The following SLC26A3 variants were observed in gnomAD, a reference collection of about 807,000 sequenced individuals.
The protein encoded by SLC26A3 is solute carrier family 26 member 3, also known as chloride anion exchanger.
Under a neutral mutation model 85.6 loss-of-function variants are expected in SLC26A3, and 64 were observed. That is an observed-to-expected ratio of 0.75 (90% confidence interval 0.61 to 0.92). The LOEUF (loss-of-function observed/expected upper bound fraction) is 0.92. Among genes scored for constraint, SLC26A3 ranks in the 40% least tolerant of loss-of-function variants. SLC26A3 has a pLI of 0.00. For synonymous variants in SLC26A3, 349 were observed against 336.0 expected, an observed-to-expected ratio of 1.04 and a Z score of -0.42; for missense variants, 922 against 927.3, an observed-to-expected ratio of 0.99 and a Z score of 0.07.
intron 1 of SLC26A3, among the ~76,000 whole-genome samples, chr7:107,797,173 G>C (rs1794520241): frequency 6.6e-6 from 1 of 152,128 alleles, no homozygotes; most frequent in South Asian, 2.1e-4. Context: ...CAAGGGCCCT[G>C]CTCAGGGTAG....
At chr7:107,783,978 T>C (rs1406451003) in intron 8 of SLC26A3, among the ~76,000 whole-genome samples, 1 of 152,190 alleles carries the variant, frequency 6.6e-6, no homozygotes, top group East Asian at 1.9e-4. Context: ...CTCATGAATG[T>C]AGACCAGTTC....
rs1794393446 is a variant in SLC26A3, at chr7:107,791,142, A to C, written c.476T>G (p.Leu159Trp). Reference sequence around the variant, plus strand: ...TGAAGAATTATTCGAGTTGTTAGGCAATCCCAAAGTAGTTGCATTGCGATC... The same window carrying C: ...TGAAGAATTATTCGAGTTGTTAGGCCATCCCAAAGTAGTTGCATTGCGATC... Reference protein sequence around the residue: ...VPDRNATTLGLPNNSNNSSLL... With the variant: ...VPDRNATTLGWPNNSNNSSLL... The change falls in exon 5 of 21, where the codon TTG (leucine) becomes TGG (tryptophan). Residue 159 changes from leucine (L) to tryptophan (W), a missense_variant. Transcript: ENST00000340010. The C allele has an allele frequency of 1.2e-6, 2 of 1,614,218 alleles. No individual in the cohort carries two copies. Among genetic ancestry groups the C allele is most frequent in the Non-Finnish European group, 1.7e-6 (2 of 1,180,038 alleles).
chr7:107,793,290 T>C (rs1794434393), intron 3 of SLC26A3, among the ~76,000 whole-genome samples: 1 of 152,214 alleles, frequency 6.6e-6, no homozygotes, highest in Admixed American at 6.5e-5. Flanking sequence ...ACACAAATGT[T>C]CAAAATAGCA....
At chr7:107,777,555 A>G (rs41671) in intron 13 of SLC26A3, among the ~76,000 whole-genome samples, 62,504 of 151,964 alleles carry the variant, frequency 0.41, 13,713 homozygotes, top group East Asian at 0.6. Flanking sequence ...ACACCGTTGC[A>G]CTCCGGCCTG....
chr7:107,796,094 CTTATTATTATTATTA>C (rs58164632), intron 1 of SLC26A3, among the ~76,000 whole-genome samples: 7 of 148,874 alleles, frequency 4.7e-5, no homozygotes, highest in Admixed American at 6.7e-5. Flanking sequence ...TTATGACTCC[CTTATTATTATTATTA>C]TTATTATTAT....
intron 18 of SLC26A3, among the ~76,000 whole-genome samples, chr7:107,769,967 GCCTC>G (rs1014637171): frequency 2.0e-5 from 3 of 148,792 alleles, no homozygotes; most frequent in African/African-American, 4.9e-5. Flanking sequence ...TTTTCTTTCT[GCCTC>G]CCTCCCTCCC....
Position 107,773,132 on chromosome 7 carries a change from G to A in SLC26A3, c.2007+788C>T, listed in dbSNP as rs535753720. 1.4e-4 allele frequency among the ~76,000 whole-genome samples: 22 copies of A among 152,276 alleles called. No individual in the cohort carries two copies. In the South Asian group the frequency reaches 2.7e-3, roughly 19 times the overall value. On this transcript the variant is annotated intron_variant, in intron 17 of 20. Coordinates refer to ENST00000340010, the MANE Select transcript of SLC26A3 (RefSeq NM_000111.3). ...ACACTGCAATCTGATTGTTTCAGTC[G>A]TGTTTTGAAATCACATGTGACATTT...
intron 6 of SLC26A3, among the ~76,000 whole-genome samples, chr7:107,788,784 C>CTTTTTT (rs71861759): frequency 1.9e-4 from 21 of 108,026 alleles, no homozygotes; most frequent in Middle Eastern, 5.8e-3. Flanking sequence ...TTTTTCTTTT[C>CTTTTTT]TTTTTTTTTT....
At chr7:107,771,480 G>A (rs1262104409) in intron 18 of SLC26A3, among the ~76,000 whole-genome samples, 2 of 152,208 alleles carry the variant, frequency 1.3e-5, no homozygotes, top group Non-Finnish European at 2.9e-5. Flanking sequence ...GAGACTGAAA[G>A]TGGGAGAAGA....
At chr7:107,774,932 G>T in intron 15 of SLC26A3, 60 bp from the exon 16 acceptor site, 1 of 1,259,752 alleles carries the variant, frequency 7.9e-7, no homozygotes, top group Non-Finnish European at 1.2e-6. Context: ...ATATAGCATA[G>T]TTCTAACAAC....
chr7:107,787,923 T>C (rs1382316276), intron 6 of SLC26A3, among the ~76,000 whole-genome samples: 1 of 152,248 alleles, frequency 6.6e-6, no homozygotes, highest in African/African-American at 2.4e-5. Context: ...CTTAGTATGC[T>C]CAATTCCTGG....
At chr7:107,793,051 A>G (rs1349602833) in intron 3 of SLC26A3, among the ~76,000 whole-genome samples, 1 of 152,206 alleles carries the variant, frequency 6.6e-6, no homozygotes, top group East Asian at 1.9e-4. Context: ...ACCACTTCAC[A>G]CTCACTGGGA....
intron 18 of SLC26A3, among the ~76,000 whole-genome samples, chr7:107,768,596 T>C (rs1793954173): frequency 6.6e-6 from 1 of 152,228 alleles, no homozygotes; most frequent in Admixed American, 6.5e-5. Flanking sequence ...ACGTGTGGTA[T>C]AATAATGAGG....
chr7:107,791,803 C>T (rs1322476212), intron 4 of SLC26A3, 27 bp downstream of exon 4: 1 of 1,353,876 alleles, frequency 7.4e-7, no homozygotes, highest in Non-Finnish European at 1.1e-6. Flanking sequence ...ACAATGTGAG[C>T]ATTAATCAGC....
intron 8 of SLC26A3, among the ~76,000 whole-genome samples, chr7:107,785,870 T>C (rs1246273184): frequency 1.3e-5 from 2 of 152,184 alleles, no homozygotes; most frequent in South Asian, 2.1e-4. Context: ...TTCTTAAGCA[T>C]AGAGAGGGAG....
chr7:107,767,961 G>C, intron 18 of SLC26A3, 53 bp from the exon 19 acceptor site: 3 of 1,560,932 alleles, frequency 1.9e-6, no homozygotes, highest in Non-Finnish European at 2.6e-6. Flanking sequence ...TTGGCTACCG[G>C]TTTCCCCTTG....
In SLC26A3 at chr7:107,774,108, C is replaced by G. The variant is rs1053457323; in HGVS notation, c.1819G>C (p.Glu607Gln). ...TVDTIKDSDE[E>Q]LDNNQIEVLD... ...ACTTCTATCTGATTGTTGTCCAGCTCTTCGTCAGAATCTTTTATGGTGTCA... is the reference window on the plus strand; with the variant it reads ...ACTTCTATCTGATTGTTGTCCAGCTGTTCGTCAGAATCTTTTATGGTGTCA... Residue 607 changes from glutamate (E) to glutamine (Q), a missense_variant, in exon 17 of 21, where the codon GAG becomes CAG. Coordinates refer to ENST00000340010, the MANE Select transcript of SLC26A3 (RefSeq NM_000111.3). 5 of 1,614,036 alleles carry G rather than the reference C, an allele frequency of 3.1e-6. No individual in the cohort carries two copies. The African/African-American group carries it at 6.7e-5, about 22-fold the overall frequency.
At chr7:107,799,251 T>G (rs968288337) in intron 1 of SLC26A3, among the ~76,000 whole-genome samples, 1 of 152,326 alleles carries the variant, frequency 6.6e-6, no homozygotes, top group African/African-American at 2.4e-5. Flanking sequence ...AAGTCAAACC[T>G]AAATTAATCG....
chr7:107,793,879 C>G lies in SLC26A3; in HGVS notation c.134G>C (p.Cys45Ser). ...AATTCTCTTGGCCTTTTGTGGGGAACAGCTGAAAACATGGAAAGCCACAGG... is the reference window on the plus strand; with the variant it reads ...AATTCTCTTGGCCTTTTGTGGGGAAGAGCTGAAAACATGGAAAGCCACAGG... ...FLDHLKVCCSCSPQKAKRIVL... is the reference protein window; with the variant it reads ...FLDHLKVCCSSSPQKAKRIVL... Residue 45 changes from cysteine to serine, a missense_variant and splice_region_variant, in exon 3 of 21, where the codon TGT (cysteine) becomes TCT (serine). Cys to Ser is a moderately radical substitution (Grantham distance 112). Transcript: ENST00000340010. 1 of 1,613,944 alleles carries G rather than the reference C, an allele frequency of 6.2e-7. No individual in the cohort carries two copies. The highest frequency in any genetic ancestry group is 8.5e-7 in the Non-Finnish European group (1 of 1,179,922).
Sources: allele counts gnomAD v4.1 joint callset (sites outside exome capture counted in the v4.1 genomes callset), GRCh38; gene constraint gnomAD v4.1.1; transcripts MANE v1.5; gene names NCBI Gene and HGNC (gene_info 2026-07-23, HGNC 2026-07-21).